DENND3: variants seen among roughly 807,000 people sequenced by gnomAD.
DENND3 encodes the protein DENN domain-containing protein 3.
DENND3 carries 88 observed loss-of-function variants against 135.1 expected under a neutral mutation model. The ratio of observed to expected loss-of-function variants is 0.65; its 90% confidence interval spans 0.55 to 0.78. The LOEUF (loss-of-function observed/expected upper bound fraction) is 0.78. DENND3 is among the 30% of genes least tolerant of loss of function. DENND3 has a pLI of 0.00. For missense variants in DENND3, 1,392 were observed against 1,688.4 expected (o/e 0.82, Z 3.08); for synonymous variants, 693 against 712.3 (o/e 0.97, Z 0.43).
At chr8:141,160,558 G>A (rs892245820) in intron 8 of DENND3, 74 bp from the exon 9 acceptor site, 1 of 1,441,512 alleles carries the variant, frequency 6.9e-7, no homozygotes, top group Non-Finnish European at 9.2e-7. Flanking sequence ...CATTTACCTG[G>A]TGGGCTGTGT....
intron 8 of DENND3, among the ~76,000 whole-genome samples, chr8:141,159,743 A>C (rs1181002598): frequency 6.6e-6 from 1 of 152,234 alleles, no homozygotes; most frequent in African/African-American, 2.4e-5. Flanking sequence ...CCCTCTAGAC[A>C]TGCAGCCTTT....
chr8:141,175,643 A>C lies in DENND3; in HGVS notation c.2535+184A>C. On this transcript the variant is annotated intron_variant, in intron 14 of 22. Coordinates refer to ENST00000519811, the MANE Select transcript of DENND3 (RefSeq NM_001352890.3). This position sits in a 1 kb window ranked among gnomAD's most constrained non-coding sequence, Gnocchi z 5.4. ...GTAGGAATAAGGCTGATACCTTCTC[A>C]GTGGGTGGTGGAGATTGAATAGTTT... The C allele has an allele frequency of 2.4e-6, 2 of 842,352 alleles. No individual in the cohort carries two copies. The highest frequency in any genetic ancestry group is 3.8e-6 in the Non-Finnish European group (2 of 520,540). The allele number at this position is 842,352 out of a possible 1,614,324, so 52.2% of individuals were successfully genotyped here.
chr8:141,168,278 G>A lies in DENND3; in HGVS notation c.2028G>A (p.Val676=), dbSNP rs765021979. The A allele has an allele frequency of 1.1e-5, 18 of 1,614,154 alleles. No individual in the cohort carries two copies. The highest frequency in any genetic ancestry group is 9.9e-5 in the South Asian group (9 of 91,078). The change falls in exon 13 of 23, where the codon GTG becomes GTA. Residue 676 remains valine, a synonymous_variant. Transcript: ENST00000519811. This position sits in a 1 kb window ranked among gnomAD's most constrained non-coding sequence, Gnocchi z 6.2. ...TACGGATCTTTCCCACTGATTTGGT[G>A]AAGAGGACGGTGGAATCCATGTCTG... ...TDIRIFPTDL[V]KRTVESMSAP... is the part of the protein sequence containing the mutation.
At position 141,158,250 on chromosome 8, in the gene DENND3, G is replaced by A; in HGVS notation, c.1196+2280G>A. ...ACTGTCCTCTGCGCGAACTTTGAAGGAGACACGTGCTTTCCCAATCATCTC... is the reference window on the plus strand; with the variant it reads ...ACTGTCCTCTGCGCGAACTTTGAAGAAGACACGTGCTTTCCCAATCATCTC... On this transcript the variant is annotated intron_variant, in intron 8 of 22. Transcript: ENST00000519811. 3 of 1,289,510 alleles carry A rather than the reference G, an allele frequency of 2.3e-6. No homozygotes were observed. In the South Asian group the frequency reaches 3.7e-5, roughly 16 times the overall value. 79.9% of individuals were successfully genotyped at this position (1,289,510 alleles called of 1,614,324 possible). A position where few individuals can be genotyped will look rare whatever the true frequency, so the allele number is the denominator to read the frequency against.
chr8:141,183,065 A>C (rs1389721039), intron 17 of DENND3, among the ~76,000 whole-genome samples: 3 of 152,358 alleles, frequency 2.0e-5, no homozygotes, highest in African/African-American at 7.2e-5. Flanking sequence ...GTCAGGCCCA[A>C]GGGGGCCGAA....
chr8:141,183,711 G>A (rs1823480488), intron 17 of DENND3, among the ~76,000 whole-genome samples: 1 of 151,052 alleles, frequency 6.6e-6, no homozygotes, highest in East Asian at 1.9e-4. Flanking sequence ...GAAGACGTCC[G>A]GTGACACTGT....
chr8:141,177,694 A>G, intron 15 of DENND3: 1 of 175,006 alleles, frequency 5.7e-6, no homozygotes, highest in Non-Finnish European at 1.2e-5. Flanking sequence ...GGGCCAGTGG[A>G]CTGTCTTTGT....
At position 141,158,870 on chromosome 8, in the gene DENND3, G is replaced by A. The variant is rs574573223; in HGVS notation, c.1197-1762G>A. Among the ~76,000 whole-genome samples, 9 of 152,342 alleles carry A rather than the reference G, an allele frequency of 5.9e-5. No homozygotes were observed. In the South Asian group the frequency reaches 1.9e-3, roughly 32 times the overall value. On this transcript the variant is annotated intron_variant, in intron 8 of 22. Transcript: ENST00000519811. The stretch of plus-strand genomic sequence containing the variant: ...TTGGGTGAGGGAGGCATGGGGTTCC[G>A]GGAGAGGGGATGGCCATCTCCTTCA...
rs180836728 is a variant in DENND3, at chr8:141,175,174, C to T, written c.2276-26C>T. On this transcript the variant is annotated intron_variant, in intron 13 of 22. Transcript: ENST00000519811. This position sits in a 1 kb window ranked among gnomAD's most constrained non-coding sequence, Gnocchi z 5.4. ...CCCGAGGTATGTGGCTGTAAGATAC[C>T]TCTCTTTTCTTCTTATCAAACTAAG... The T allele has an allele frequency of 6.3e-7, 1 of 1,598,894 alleles. No individual in the cohort carries two copies. The highest frequency in any genetic ancestry group is 2.2e-5 in the East Asian group (1 of 44,688).
chr8:141,143,406 C>T (rs1817701164), intron 4 of DENND3, among the ~76,000 whole-genome samples: 1 of 152,050 alleles, frequency 6.6e-6, no homozygotes, highest in South Asian at 2.1e-4. Context: ...TTTTAATTTT[C>T]ATTTACAAAT....
chr8:141,164,351 C>T (rs1268397899), intron 10 of DENND3, among the ~76,000 whole-genome samples: 1 of 152,262 alleles, frequency 6.6e-6, no homozygotes, highest in Non-Finnish European at 1.5e-5. Flanking sequence ...GGGCTTTGCC[C>T]TGGCAGGCGA....
chr8:141,182,442 T>C lies in DENND3; in HGVS notation c.2944+1588T>C. The C allele has an allele frequency of 1.0e-6, 1 of 985,458 alleles. No homozygotes were observed. Among genetic ancestry groups the C allele is most frequent in the Non-Finnish European group, 1.2e-6 (1 of 829,926 alleles). The allele number at this position is 985,458 out of a possible 1,614,324, so 61.0% of individuals were successfully genotyped here. On this transcript the variant is annotated intron_variant, in intron 17 of 22. Transcript: ENST00000519811. This position sits in a 1 kb window ranked among gnomAD's most constrained non-coding sequence, Gnocchi z 5.9. ...GGCTCTGTGCTGACTTCGCCAGAGA[T>C]GACTCCACAGACCAAGATACTTTGA...
intron 20 of DENND3, chr8:141,190,685 A>C: frequency 2.5e-6 from 1 of 399,738 alleles, no homozygotes; most frequent in Non-Finnish European, 4.4e-6. Flanking sequence ...CCTGTCCCTC[A>C]CCTTGGCTTT....
chr8:141,190,641 G>A (rs1752178509), intron 20 of DENND3: 2 of 582,834 alleles, frequency 3.4e-6, no homozygotes, highest in Non-Finnish European at 5.6e-6. Context: ...GCGGCTGACG[G>A]GATGCCTGTC....
At chr8:141,133,697 C>T (rs943683195) in intron 1 of DENND3, among the ~76,000 whole-genome samples, 3 of 151,740 alleles carry the variant, frequency 2.0e-5, no homozygotes, top group Non-Finnish European at 2.9e-5. Context: ...AGGTGTAGGT[C>T]TGCAGGTGGG....
Position 141,160,665 on chromosome 8 carries a change from C to T in DENND3, c.1230C>T (p.His410=), listed in dbSNP as rs777481517. The T allele has an allele frequency of 1.5e-5, 24 of 1,610,528 alleles. No homozygotes were observed. Among genetic ancestry groups the T allele is most frequent in the African/African-American group, 8.0e-5 (6 of 75,004 alleles). ...GCCTCCAGCTCCACCATGAGCTGCA[C>T]GCCGCCCACCTCCTCTCCAGCACAG... ...VQSLQLHHEL[H]AAHLLSSTDL... is the part of the protein sequence containing the mutation. The change falls in exon 9 of 23, where the codon CAC becomes CAT. Residue 410 remains histidine, a synonymous_variant. Transcript: ENST00000519811.
At chr8:141,178,410 T>C (rs982934996) in intron 16 of DENND3, among the ~76,000 whole-genome samples, 1 of 152,242 alleles carries the variant, frequency 6.6e-6, no homozygotes, top group Non-Finnish European at 1.5e-5. Flanking sequence ...GCGCATCCAA[T>C]TGAGGCACCT....
chr8:141,148,995 C>T (rs564152905), intron 5 of DENND3, among the ~76,000 whole-genome samples: 1 of 151,906 alleles, frequency 6.6e-6, no homozygotes, highest in African/African-American at 2.4e-5. Flanking sequence ...ACCGCAACCT[C>T]TACCTCCTGG....
chr8:141,144,281 A>G lies in DENND3; in HGVS notation c.735+22A>G, dbSNP rs768542057. 1.3e-6 allele frequency: 2 copies of G among 1,581,482 alleles called. No individual in the cohort carries two copies. The highest frequency in any genetic ancestry group is 1.4e-5 in the African/African-American group (1 of 72,688). ...TTTGGTAAAGTATATCTGAAATTAT[A>G]TTGTTTTTTCTTTGCAAATAGTAAA... On this transcript the variant is annotated intron_variant, in intron 5 of 22. Transcript: ENST00000519811. The surrounding 1 kb of genome is among the most constrained non-coding windows in gnomAD (Gnocchi z 4.4).
Sources: allele counts gnomAD v4.1 joint callset (sites outside exome capture counted in the v4.1 genomes callset), GRCh38; gene constraint gnomAD v4.1.1; non-coding constraint Gnocchi (gnomAD v3.1); transcripts MANE v1.5; gene names NCBI Gene and HGNC (gene_info 2026-07-23, HGNC 2026-07-21).